The following RFC1 variants were observed in gnomAD, a reference collection of about 807,000 sequenced individuals.
RFC1 encodes replication factor C subunit 1.
RFC1 carries 37 observed loss-of-function variants against 137.4 expected under a neutral mutation model. That is an observed-to-expected ratio of 0.27 (90% CI 0.21 to 0.35). The LOEUF (loss-of-function observed/expected upper bound fraction) is 0.35. RFC1 is among the 10% of genes least tolerant of loss of function. RFC1 has a pLI of 1.00. For synonymous variants in RFC1, 429 were observed against 455.7 expected (o/e 0.94, Z 0.75); for missense variants, 1,205 against 1,358.5 (o/e 0.89, Z 1.78).
rs1417303223 is a variant in RFC1 at position 39,312,900 on chromosome 4, A to C, written c.1235T>G (p.Phe412Cys). ...AGACTCCAGCACGCCTGTGATTACA[A>C]ATATAAGGCCTTCCAAGCAATTTTC... ...GAENCLEGLI[F>C]VITGVLESIE... The change falls in exon 11 of 25, where the codon TTT becomes TGT. Residue 412 changes from phenylalanine (F) to cysteine (C), a missense_variant. By Grantham distance (205) the Phe-to-Cys change is radical. This residue lies in a region of RFC1 where 962 missense variants were observed against 1,035.3 expected (regional missense o/e 0.93). Coordinates refer to ENST00000349703, the MANE Select transcript of RFC1 (RefSeq NM_002913.5). 1 of 1,613,162 alleles carries C rather than the reference A, an allele frequency of 6.2e-7. No homozygotes were observed. The highest frequency in any genetic ancestry group is 1.7e-5 in the Admixed American group (1 of 59,984).
At chr4:39,308,548 G>T in intron 13 of RFC1, 88 bp downstream of exon 13, 2 of 1,492,506 alleles carry the variant, frequency 1.3e-6, no homozygotes, top group Middle Eastern at 1.8e-4. Context: ...ACAGATGAAT[G>T]AATCGTTAGA....
chr4:39,350,955 A>C (rs1284858718), intron 2 of RFC1, among the ~76,000 whole-genome samples: 1 of 152,184 alleles, frequency 6.6e-6, no homozygotes, highest in Non-Finnish European at 1.5e-5. Context: ...CTAGGGCATA[A>C]AGAATGGAGT....
chr4:39,328,885 T>C (rs183689758), intron 4 of RFC1, among the ~76,000 whole-genome samples: 2 of 152,096 alleles, frequency 1.3e-5, no homozygotes, highest in East Asian at 3.9e-4. Flanking sequence ...ACTGTGGTGG[T>C]ATTTGCAGAG....
intron 22 of RFC1, among the ~76,000 whole-genome samples, chr4:39,295,316 A>G (rs1234562486): frequency 2.6e-5 from 4 of 152,240 alleles, no homozygotes; most frequent in South Asian, 4.1e-4. Context: ...TAATAGGCAT[A>G]ATAACAATAA....
At chr4:39,345,621 C>T (rs748384451) in intron 2 of RFC1, 145 bp from the exon 3 acceptor site, 53 of 571,680 alleles carry the variant, frequency 9.3e-5, no homozygotes, top group Non-Finnish European at 1.3e-4. Context: ...CCCAGGTTCA[C>T]GCCATTCTCC....
At chr4:39,329,123 C>A (rs1181672088) in intron 4 of RFC1, among the ~76,000 whole-genome samples, 1 of 17,128 alleles carries the variant, frequency 5.8e-5, no homozygotes, top group Non-Finnish European at 9.9e-5. Flanking sequence ...GCTTCAGTGA[C>A]TCACAAAAAA....
At chr4:39,349,682 G>A (rs1253294061) in intron 2 of RFC1, among the ~76,000 whole-genome samples, 1 of 152,164 alleles carries the variant, frequency 6.6e-6, no homozygotes, top group African/African-American at 2.4e-5. Context: ...ATACAACACA[G>A]ATGTCAGAAT....
Position 39,308,849 on chromosome 4 carries a change from G to C in RFC1, c.1672C>G (p.Gln558Glu). Residue 558 changes from glutamine (Q) to glutamate (E), a missense_variant, in exon 13 of 25, where the codon CAG becomes GAG. By Grantham distance (29) the Gln-to-Glu change is conservative. Transcript: ENST00000349703. Reference protein sequence around the residue: ...VFWKSLDFKEQVAEETSGDSK... With the variant: ...VFWKSLDFKEEVAEETSGDSK... ...TCACCACTTGTCTCCTCAGCCACCT[G>C]CTCCTTGAAATCCAGGCTTTTCCAA... is the stretch of plus-strand genomic sequence containing the variant. 6.2e-7 allele frequency: 1 copy of C among 1,614,128 alleles called. No individual in the cohort carries two copies. The highest frequency in any genetic ancestry group is 1.1e-5 in the South Asian group (1 of 91,080).
intron 21 of RFC1, among the ~76,000 whole-genome samples, chr4:39,298,483 G>A (rs182861382): frequency 1.3e-5 from 2 of 152,196 alleles, no homozygotes; most frequent in African/African-American, 4.8e-5. Context: ...CAAAAAGAAC[G>A]AATAACTCTC....
intron 4 of RFC1, 64 bp downstream of exon 4, chr4:39,342,281 A>T: frequency 2.0e-6 from 3 of 1,518,064 alleles, no homozygotes; most frequent in Non-Finnish European, 1.8e-6. Flanking sequence ...GTACATTTAG[A>T]CACCAACAAA....
At chr4:39,294,998 G>T (rs952749929) in intron 22 of RFC1, among the ~76,000 whole-genome samples, 6 of 152,174 alleles carry the variant, frequency 3.9e-5, no homozygotes, top group Non-Finnish European at 8.8e-5. Flanking sequence ...GTGTGACCTT[G>T]TCTTAAAAAA....
At position 39,302,891 on chromosome 4, in the gene RFC1, C is replaced by T. The variant is rs1429348179; in HGVS notation, c.2203-17G>A. 6 of 1,567,428 alleles carry T rather than the reference C, an allele frequency of 3.8e-6. No individual in the cohort carries two copies. Among genetic ancestry groups the T allele is most frequent in the Non-Finnish European group, 5.2e-6 (6 of 1,157,838 alleles). On this transcript the variant is annotated splice_polypyrimidine_tract_variant and intron_variant, in intron 16 of 24. Coordinates refer to ENST00000349703, the MANE Select transcript of RFC1 (RefSeq NM_002913.5). ...AATTAATTCCTGAAAGGCAAGTTTG[C>T]AACACAAAAATAATTATTTTAAAAA...
At position 39,323,402 on chromosome 4, in the gene RFC1, G is replaced by C; in HGVS notation, c.658C>G (p.His220Asp). Residue 220 changes from histidine (H) to aspartate (D), a missense_variant, in exon 7 of 25, where the codon CAT (histidine) becomes GAT (aspartate). By Grantham distance (81) the His-to-Asp change is moderately conservative. Coordinates refer to ENST00000349703, the MANE Select transcript of RFC1 (RefSeq NM_002913.5). The stretch of plus-strand genomic sequence containing the variant: ...GTTCTGGCAAACTCTTCATCTTCAT[G>C]CAACTGCCTCTCCAGCTGTAAAATG... ...DEDAELERQL[H>D]EDEEFARTLA... The C allele has an allele frequency of 6.2e-7, 1 of 1,614,014 alleles. No homozygotes were observed. Among genetic ancestry groups the C allele is most frequent in the East Asian group, 2.2e-5 (1 of 44,854 alleles).
chr4:39,361,530 T>A (rs1274242779), intron 1 of RFC1, among the ~76,000 whole-genome samples: 1 of 152,212 alleles, frequency 6.6e-6, no homozygotes. Flanking sequence ...CTCAATGTTG[T>A]CGAGTTTCTA....
chr4:39,290,553 G>A (rs988457607), intron 23 of RFC1, among the ~76,000 whole-genome samples: 1 of 152,086 alleles, frequency 6.6e-6, no homozygotes, highest in Non-Finnish European at 1.5e-5. Context: ...GGTGGCTCAC[G>A]CCTGTAATCC....
chr4:39,295,838 G>A, intron 21 of RFC1, 79 bp from the exon 22 acceptor site: 1 of 1,362,678 alleles, frequency 7.3e-7, no homozygotes, highest in Non-Finnish European at 1.0e-6. Context: ...CTTCCAAACA[G>A]TCTACGGAAG....
Position 39,288,859 on chromosome 4 carries a change from A to G in RFC1, c.3361-15T>C. On this transcript the variant is annotated splice_polypyrimidine_tract_variant and intron_variant, in intron 24 of 24. Transcript: ENST00000349703. ...TTTGTCTTTTTCTGTTAGGGGGAAG[A>G]TAACAAAATAGTTAATAGCTGTGTT... is the stretch of plus-strand genomic sequence containing the variant. 1.3e-6 allele frequency: 2 copies of G among 1,513,592 alleles called. No individual in the cohort carries two copies. Among genetic ancestry groups the G allele is most frequent in the Non-Finnish European group, 1.8e-6 (2 of 1,091,794 alleles). The allele number at this position is 1,513,592 out of a possible 1,614,324, so 93.8% of individuals were successfully genotyped here.
At chr4:39,300,584 G>A (rs995184181) in intron 19 of RFC1, among the ~76,000 whole-genome samples, 170 bp from the exon 20 acceptor site, 2 of 152,122 alleles carry the variant, frequency 1.3e-5, no homozygotes, top group Admixed American at 6.6e-5. Flanking sequence ...CTTACCACGC[G>A]ATCCAGCAAC....
At chr4:39,299,329 G>A (rs4974934) in intron 21 of RFC1, among the ~76,000 whole-genome samples, 76,932 of 151,952 alleles carry the variant, frequency 0.51, 21,055 homozygotes, top group African/African-American at 0.72. Context: ...TGAGACCCCT[G>A]ATTTCCCACT....
Sources: gnomAD v4.1 joint callset for allele counts (sites outside exome capture counted in the v4.1 genomes callset) on GRCh38, gnomAD v4.1.1 for gene constraint, gnomAD v4.1.1 regional missense constraint, MANE v1.5 for transcripts, NCBI Gene and HGNC (gene_info 2026-07-23, HGNC 2026-07-21) for gene names.